SCN3A: variants seen among roughly 807,000 people sequenced by gnomAD.
The protein encoded by SCN3A is sodium voltage-gated channel alpha subunit 3, also known as sodium channel protein type 3 subunit alpha.
A neutral mutation model predicts 187.6 loss-of-function variants in SCN3A; 60 were observed. That is an observed-to-expected ratio of 0.32 (90% CI 0.26 to 0.40). The LOEUF is 0.40. SCN3A is among the 10% of genes least tolerant of loss of function. The probability of loss-of-function intolerance (pLI) is 1.00; values close to 1 mark genes in which losing one functional copy is unlikely to be tolerated. For missense variants in SCN3A, 1,601 were observed against 2,428.2 expected (o/e 0.66, Z 7.16); for synonymous variants, 788 against 829.2 (o/e 0.95, Z 0.85).
chr2:165,137,988 A>G lies in SCN3A; in HGVS notation c.2282T>C (p.Phe761Ser), dbSNP rs1465769133. The G allele has an allele frequency of 6.2e-7, 1 of 1,613,568 alleles. No individual in the cohort carries two copies. The highest frequency in any genetic ancestry group is 2.2e-5 in the East Asian group (1 of 44,840). ...GCAAATAGTGATGGCAAGATCAACA[A>G]ATGGATCCATAACAATTAAATTCAC... ...HLVNLIVMDPFVDLAITICIV... is the reference protein window; with the variant it reads ...HLVNLIVMDPSVDLAITICIV... The change falls in exon 15 of 28, where the codon TTT becomes TCT. Residue 761 changes from phenylalanine to serine, a missense_variant. Coordinates refer to ENST00000283254, the MANE Select transcript of SCN3A (RefSeq NM_006922.4).
chr2:165,110,636 C>T (rs1331895940), intron 21 of SCN3A, among the ~76,000 whole-genome samples: 2 of 152,122 alleles, frequency 1.3e-5, no homozygotes, highest in African/African-American at 4.8e-5. Flanking sequence ...CTTAGTGAAT[C>T]CCCAGTACTC....
chr2:165,103,578 C>T (rs981684817), intron 21 of SCN3A, among the ~76,000 whole-genome samples: 3 of 152,120 alleles, frequency 2.0e-5, no homozygotes, highest in Non-Finnish European at 4.4e-5. Context: ...ATGGAAATGT[C>T]TGTGATAGAG....
At chr2:165,099,853 A>C (rs74914127) in intron 22 of SCN3A, among the ~76,000 whole-genome samples, 19,543 of 152,232 alleles carry the variant, frequency 0.13, 1,529 homozygotes, top group Middle Eastern at 0.17. Flanking sequence ...TTATGCAATA[A>C]TTTTTATTAC....
intron 3 of SCN3A, among the ~76,000 whole-genome samples, chr2:165,173,275 G>A (rs1690230865): frequency 6.6e-6 from 1 of 152,164 alleles, no homozygotes; most frequent in African/African-American, 2.4e-5. Context: ...AATAAGCATA[G>A]TATATAATTT....
intron 21 of SCN3A, among the ~76,000 whole-genome samples, chr2:165,110,804 CA>C (rs542227685): frequency 4.7e-4 from 71 of 152,236 alleles, no homozygotes; most frequent in Middle Eastern, 3.4e-3. Context: ...TCACTAAAAG[CA>C]AAGTAATTTT....
chr2:165,152,611 TG>T (rs1444662530), intron 11 of SCN3A, among the ~76,000 whole-genome samples: 3 of 152,202 alleles, frequency 2.0e-5, no homozygotes, highest in Non-Finnish European at 4.4e-5. Context: ...CTGGGTTAAA[TG>T]GTATTTCTAG....
intron 21 of SCN3A, among the ~76,000 whole-genome samples, chr2:165,105,931 G>A (rs1040581133): frequency 6.6e-6 from 1 of 152,084 alleles, no homozygotes; most frequent in Non-Finnish European, 1.5e-5. Flanking sequence ...CTCAAGGGCC[G>A]CCTCTTTGCT....
At chr2:165,147,242 GA>G (rs1197084242) in intron 11 of SCN3A, among the ~76,000 whole-genome samples, 2 of 144,484 alleles carry the variant, frequency 1.4e-5, no homozygotes, top group African/African-American at 5.0e-5. Flanking sequence ...ATTAAAGCAA[GA>G]AAAATCTGGT....
chr2:165,155,669 G>T, intron 10 of SCN3A, 93 bp downstream of exon 10: 4 of 1,436,514 alleles, frequency 2.8e-6, no homozygotes, highest in Non-Finnish European at 3.9e-6. Flanking sequence ...AAAGTGCTAG[G>T]GTTACAGGCA....
chr2:165,175,671 C>A (rs976023489), intron 3 of SCN3A, among the ~76,000 whole-genome samples: 2 of 151,968 alleles, frequency 1.3e-5, no homozygotes, highest in African/African-American at 4.8e-5. Context: ...TGTCTGGCTA[C>A]AGGAGGATGC....
chr2:165,153,548 T>TA lies in SCN3A; in HGVS notation c.1380+903dup, dbSNP rs992474520. On this transcript the variant is annotated intron_variant, in intron 11 of 27. Transcript: ENST00000283254. ...ATAATATGAAATCAAACAACCTAAC[T>TA]AAAAAAAAAGGAGGGGATTAAAGAT... Among the ~76,000 whole-genome samples the TA allele has an allele frequency of 5.4e-5, 8 of 148,772 alleles. No homozygotes were observed. The East Asian group carries it at 7.8e-4, about 15-fold the overall frequency.
At chr2:165,094,710 G>A (rs376477216) in intron 25 of SCN3A, among the ~76,000 whole-genome samples, 2 of 152,222 alleles carry the variant, frequency 1.3e-5, no homozygotes, top group East Asian at 3.9e-4. Context: ...ATTATACTAT[G>A]TTTAAAAGTA....
intron 1 of SCN3A, among the ~76,000 whole-genome samples, chr2:165,195,764 G>A (rs1165857079): frequency 1.3e-5 from 2 of 152,070 alleles, no homozygotes; most frequent in Non-Finnish European, 2.9e-5. Flanking sequence ...AAGATACTGA[G>A]TAGAAAACCA....
At chr2:165,118,952 C>T (rs1404339428) in intron 18 of SCN3A, among the ~76,000 whole-genome samples, 3 of 151,530 alleles carry the variant, frequency 2.0e-5, no homozygotes, top group Admixed American at 1.3e-4. Flanking sequence ...TTAGTAGAGA[C>T]GGGGTTTCAC....
At chr2:165,182,452 C>A (rs1690939013) in intron 2 of SCN3A, among the ~76,000 whole-genome samples, 1 of 152,054 alleles carries the variant, frequency 6.6e-6, no homozygotes, top group African/African-American at 2.4e-5. Flanking sequence ...GAAAATGAAC[C>A]TAAAGGGTGA....
chr2:165,170,387 A>G, intron 4 of SCN3A, 43 bp downstream of exon 4: 1 of 1,104,344 alleles, frequency 9.1e-7, no homozygotes, highest in Non-Finnish European at 1.4e-6. Context: ...TTTAAAATCA[A>G]CTGTTAGAAA....
chr2:165,113,031 G>A lies in SCN3A; in HGVS notation c.3697C>T (p.Arg1233Ter), dbSNP rs1553519938. 6.2e-7 allele frequency: 1 copy of A among 1,612,068 alleles called. No individual in the cohort carries two copies. The highest frequency in any genetic ancestry group is 8.5e-7 in the Non-Finnish European group (1 of 1,179,036). ...TCTAGCATGGTTTTGATAGTCTTTC[G>A]CTGTTCAATGTATATATCTTCAAAG... is the stretch of plus-strand genomic sequence containing the variant. Reference protein sequence around the residue: ...LAFEDIYIEQRKTIKTMLEYA... With the variant: ...LAFEDIYIEQ The change falls in exon 21 of 28, where the codon CGA becomes TGA. Residue 1233 changes from arginine to a stop codon, truncating the protein, a stop_gained. Transcript: ENST00000283254. LOFTEE classifies it high-confidence loss of function.
intron 19 of SCN3A, 23 bp from the exon 20 acceptor site, chr2:165,113,993 T>TA (rs546744830): frequency 1.4e-6 from 2 of 1,412,496 alleles, no homozygotes; most frequent in Non-Finnish European, 2.0e-6. Context: ...TATAGTTAAT[T>TA]AAAAAATATA....
Position 165,115,535 on chromosome 2 carries a change from T to C in SCN3A, c.3434A>G (p.Asp1145Gly). Residue 1145 changes from aspartate to glycine, a missense_variant, in exon 19 of 28, where the codon GAT (aspartate) becomes GGT (glycine). Asp to Gly is a moderately conservative substitution (Grantham distance 94). This residue lies in a region of SCN3A where 267 missense variants were observed against 313.2 expected (regional missense o/e 0.85). Coordinates refer to ENST00000283254, the MANE Select transcript of SCN3A (RefSeq NM_006922.4). ...TTCACCTTCTCGGGGTAGAACAACA[T>C]CAACTGTGCTTCCTTCAGATGAGCT... ...ATSSSEGSTVDVVLPREGEQA... is the reference protein window; with the variant it reads ...ATSSSEGSTVGVVLPREGEQA... The C allele has an allele frequency of 6.2e-7, 1 of 1,613,874 alleles. No individual in the cohort carries two copies. Among genetic ancestry groups the C allele is most frequent in the Non-Finnish European group, 8.5e-7 (1 of 1,179,800 alleles).
Sources: allele counts gnomAD v4.1 joint callset (sites outside exome capture counted in the v4.1 genomes callset), GRCh38; gene constraint gnomAD v4.1.1; regional missense constraint gnomAD v4.1.1; transcripts MANE v1.5; gene names NCBI Gene and HGNC (gene_info 2026-07-23, HGNC 2026-07-21).